MYSM1: variants seen among roughly 807,000 people sequenced by gnomAD.
MYSM1 encodes deubiquitinase MYSM1.
In MYSM1, 51 loss-of-function variants were observed where a neutral mutation model predicts 116.0. The observed-to-expected ratio is 0.44, with a 90% CI of 0.35 to 0.56. The LOEUF is 0.56. Ranked by LOEUF, MYSM1 falls within the 20% of genes least tolerant of loss-of-function variation. The pLI, the probability that MYSM1 is intolerant of heterozygous loss-of-function variation, is 0.00. For synonymous variants in MYSM1, 313 were observed against 315.2 expected (o/e 0.99, Z 0.07); for missense variants, 900 against 974.9 (o/e 0.92, Z 1.02).
At chr1:58,666,597 G>C (rs2100600513) in intron 16 of MYSM1, among the ~76,000 whole-genome samples, 1 of 147,790 alleles carries the variant, frequency 6.8e-6, no homozygotes, top group Middle Eastern at 3.5e-3. Flanking sequence ...TTTTGGCTGG[G>C]TGTGGTGGCT....
Position 58,676,833 on chromosome 1 carries a change from T to C in MYSM1, c.1390+93A>G, listed in dbSNP as rs1256770146. On this transcript the variant is annotated intron_variant, in intron 9 of 19. Transcript: ENST00000472487. ...AGCACCTCTGAATTCTATATACCTA[T>C]AACTACTTGAATTCTAACCATCATA... 3.4e-5 allele frequency: 46 copies of C among 1,349,032 alleles called. No homozygotes were observed. In the East Asian group the frequency reaches 1.1e-3, roughly 33 times the overall value. 83.6% of individuals were successfully genotyped at this position (1,349,032 alleles called of 1,614,324 possible).
At chr1:58,662,516 A>G (rs1020557058) in intron 17 of MYSM1, among the ~76,000 whole-genome samples, 21 of 148,072 alleles carry the variant, frequency 1.4e-4, no homozygotes, top group African/African-American at 4.7e-4. Context: ...CCTGCTCATG[A>G]TCAGATATAA....
At chr1:58,694,763 G>A (rs1644950338) in intron 2 of MYSM1, among the ~76,000 whole-genome samples, 1 of 151,798 alleles carries the variant, frequency 6.6e-6, no homozygotes, top group Admixed American at 6.6e-5. Context: ...CAAACTCCTG[G>A]GCTCAAGGAA....
intron 17 of MYSM1, among the ~76,000 whole-genome samples, chr1:58,662,868 G>GTATTAAGTATTAAGTATTAA (rs1170115102): frequency 6.6e-6 from 1 of 151,910 alleles, no homozygotes; most frequent in African/African-American, 2.4e-5. Flanking sequence ...TAGTACACGG[G>GTATTAAGTATTAAGTATTAA]GTATTAAGCA....
chr1:58,693,257 G>C (rs1644927546), intron 2 of MYSM1, among the ~76,000 whole-genome samples: 3 of 152,268 alleles, frequency 2.0e-5, no homozygotes, highest in Middle Eastern at 3.4e-3. Flanking sequence ...CAGACACTCT[G>C]TCAGACACTT....
chr1:58,669,593 G>A (rs1644525214), intron 12 of MYSM1, among the ~76,000 whole-genome samples: 1 of 152,072 alleles, frequency 6.6e-6, no homozygotes, highest in Non-Finnish European at 1.5e-5. Flanking sequence ...TCAGGAGGCC[G>A]AGGTGGGCAG....
At position 58,689,025 on chromosome 1, in the gene MYSM1, T is replaced by C; in HGVS notation, c.399+13A>G. 1 of 1,593,356 alleles carries C rather than the reference T, an allele frequency of 6.3e-7. No individual in the cohort carries two copies. The highest frequency in any genetic ancestry group is 8.5e-7 in the Non-Finnish European group (1 of 1,173,096). On this transcript the variant is annotated intron_variant, in intron 6 of 19. Coordinates refer to ENST00000472487, the MANE Select transcript of MYSM1 (RefSeq NM_001085487.3). ...GAATTATTTTACTAAAAATTTAAAATTGCTCTATTTACCAGCCCTTGTTCA... is the reference window on the plus strand; with the variant it reads ...GAATTATTTTACTAAAAATTTAAAACTGCTCTATTTACCAGCCCTTGTTCA...
At chr1:58,668,774 C>G in intron 13 of MYSM1, 92 bp from the exon 14 acceptor site, 1 of 1,180,404 alleles carries the variant, frequency 8.5e-7, no homozygotes. Flanking sequence ...TCTCCTTTAT[C>G]CACCCCACCA....
At chr1:58,665,236 A>T (rs1218649716) in intron 17 of MYSM1, among the ~76,000 whole-genome samples, 5 of 152,188 alleles carry the variant, frequency 3.3e-5, no homozygotes, top group African/African-American at 1.2e-4. Context: ...CCTAGCATAC[A>T]CACTGCCTGG....
chr1:58,671,805 T>A, intron 12 of MYSM1, 65 bp downstream of exon 12: 1 of 1,199,632 alleles, frequency 8.3e-7, no homozygotes, highest in Non-Finnish European at 1.2e-6. Context: ...TATTGAATAT[T>A]TTTTCATATA....
At position 58,692,892 on chromosome 1, in the gene MYSM1, C is replaced by T; in HGVS notation, c.187G>A (p.Ala63Thr). 1 of 1,610,504 alleles carries T rather than the reference C, an allele frequency of 6.2e-7. No homozygotes were observed. Among genetic ancestry groups the T allele is most frequent in the Non-Finnish European group, 8.5e-7 (1 of 1,178,574 alleles). The change falls in exon 3 of 20, where the codon GCT (alanine) becomes ACT (threonine). Residue 63 changes from alanine (A) to threonine (T), a missense_variant. Ala to Thr is a moderately conservative substitution (Grantham distance 58, BLOSUM62 0). Coordinates refer to ENST00000472487, the MANE Select transcript of MYSM1 (RefSeq NM_001085487.3). The stretch of plus-strand genomic sequence containing the variant: ...TCCAACAACATTTTCTCAATAACAG[C>T]TCTGTTCTCTTCACTGATGGTGTTA... ...LDNTISEENR[A>T]VIEKMLLEEE... is the part of the protein sequence containing the mutation.
chr1:58,658,600 T>C lies in MYSM1; in HGVS notation c.*1397A>G, dbSNP rs1313660849. On this transcript the variant is annotated 3_prime_UTR_variant, in exon 20 of 20. Transcript: ENST00000472487. ...CTCCTTATTCTTCATTGGCTATTGA[T>C]TACAAACAAAGCAAAATATAGAATC... The C allele has an allele frequency of 3.9e-5, 6 of 152,124 alleles. No homozygotes were observed. Among genetic ancestry groups the C allele is most frequent in the Non-Finnish European group, 2.9e-5 (2 of 68,012 alleles). The allele number at this position is 152,124 out of a possible 1,614,324, so 9.4% of individuals were successfully genotyped here.
chr1:58,664,544 T>G (rs1194912390), intron 17 of MYSM1, among the ~76,000 whole-genome samples: 2 of 152,210 alleles, frequency 1.3e-5, no homozygotes, highest in Non-Finnish European at 2.9e-5. Context: ...GAATAAAGTG[T>G]TGCAGATACA....
chr1:58,669,074 CA>C (rs1483404009), intron 12 of MYSM1, 36 bp from the exon 13 acceptor site: 3 of 1,401,862 alleles, frequency 2.1e-6, no homozygotes, highest in Non-Finnish European at 3.0e-6. Flanking sequence ...ACAATCTCAA[CA>C]AGATTAGGAA....
intron 8 of MYSM1, among the ~76,000 whole-genome samples, chr1:58,679,915 C>A (rs1337621538): frequency 6.6e-6 from 1 of 151,492 alleles, no homozygotes; most frequent in East Asian, 1.9e-4. Flanking sequence ...GTAGTCCCAG[C>A]TGCATGGGAG....
chr1:58,698,396 G>T (rs1444256520), intron 1 of MYSM1, among the ~76,000 whole-genome samples: 2 of 151,776 alleles, frequency 1.3e-5, no homozygotes, highest in Non-Finnish European at 2.9e-5. Context: ...CACCATGCCT[G>T]GCCCAGAATA....
In MYSM1 at chr1:58,677,042, G is replaced by A. The variant is rs780246003; in HGVS notation, c.1274C>T (p.Pro425Leu). 1.9e-6 allele frequency: 3 copies of A among 1,600,214 alleles called. No individual in the cohort carries two copies. The highest frequency in any genetic ancestry group is 1.1e-5 in the South Asian group (1 of 88,724). The stretch of plus-strand genomic sequence containing the variant: ...TACTGAGGTCTTATTTAAGTATTTT[G>A]GTTTGCATATCTCCCTAATTAAGAG... Reference protein sequence around the residue: ...YILDQWEICKPKYLNKTSVRP... With the variant: ...YILDQWEICKLKYLNKTSVRP... The change falls in exon 9 of 20, where the codon CCA (proline) becomes CTA (leucine). Residue 425 changes from proline to leucine, a missense_variant. Pro to Leu is a moderately conservative substitution (Grantham distance 98). Around this residue, in one of 3 missense-constraint regions of MYSM1, gnomAD observed 622 missense variants for 623.7 expected, o/e 1.00. Transcript: ENST00000472487.
chr1:58,666,284 C>T (rs541886451), intron 16 of MYSM1, among the ~76,000 whole-genome samples: 53 of 152,174 alleles, frequency 3.5e-4, no homozygotes, highest in Admixed American at 1.5e-3. Context: ...TTACAAATAC[C>T]CTACAGCAAA....
intron 8 of MYSM1, among the ~76,000 whole-genome samples, chr1:58,679,437 G>A (rs1406585182): frequency 1.3e-5 from 2 of 152,132 alleles, no homozygotes; most frequent in East Asian, 3.8e-4. Context: ...TTTGATTAAA[G>A]TAACAAGAAT....
Sources: gnomAD v4.1 joint callset for allele counts (sites outside exome capture counted in the v4.1 genomes callset) on GRCh38, gnomAD v4.1.1 for gene constraint, gnomAD v4.1.1 regional missense constraint, MANE v1.5 for transcripts, NCBI Gene and HGNC (gene_info 2026-07-23, HGNC 2026-07-21) for gene names.